Variants in ELP4 observed in about 807,000 individuals in gnomAD.
ELP4 encodes elongator complex protein 4.
ELP4 carries 51 observed loss-of-function variants against 48.9 expected under a neutral mutation model. The observed-to-expected ratio is 1.04, with a 90% CI of 0.83 to 1.32. The LOEUF (loss-of-function observed/expected upper bound fraction) is 1.32, where lower values mean the gene tolerates loss of function less well. Ranked by LOEUF, ELP4 falls within the 40% of genes most tolerant of loss-of-function variation. The pLI, the probability that ELP4 is intolerant of heterozygous loss-of-function variation, is 0.00. For synonymous variants in ELP4, 210 were observed against 189.2 expected (o/e 1.11, Z -0.90); for missense variants, 519 against 514.6 (o/e 1.01, Z -0.08).
At chr11:31,685,923 TC>T (rs1946150820) in intron 9 of ELP4, among the ~76,000 whole-genome samples, 1 of 132,106 alleles carries the variant, frequency 7.6e-6, no homozygotes, top group Admixed American at 8.0e-5. Flanking sequence ...AGACTGAGAC[TC>T]CATCTTAAAA....
intron 9 of ELP4, among the ~76,000 whole-genome samples, chr11:31,683,543 C>T (rs1469328595): frequency 6.6e-6 from 1 of 152,084 alleles, no homozygotes; most frequent in East Asian, 1.9e-4. Flanking sequence ...TGAAATTTTC[C>T]TTCATGAACA....
chr11:31,539,461 A>G (rs542372786), intron 2 of ELP4, among the ~76,000 whole-genome samples: 2 of 152,202 alleles, frequency 1.3e-5, no homozygotes, highest in African/African-American at 4.8e-5. Context: ...CTCAAAAAAA[A>G]AGTGCCTAGT....
At chr11:31,743,131 A>G (rs1176765412) in intron 9 of ELP4, among the ~76,000 whole-genome samples, 1 of 152,230 alleles carries the variant, frequency 6.6e-6, no homozygotes, top group African/African-American at 2.4e-5. Context: ...CTTTAAACCA[A>G]CAAAGACCAA....
At position 31,669,373 on chromosome 11, in the gene ELP4, G is replaced by A. The variant is rs574440997; in HGVS notation, c.1143+19152G>A. ...TGGGATTACAGGCATGAGCCACCGC[G>A]CCTGGCCCACGTCTTTTATAAATGC... On this transcript the variant is annotated intron_variant, in intron 9 of 9. Coordinates refer to ENST00000640961, the MANE Select transcript of ELP4 (RefSeq NM_019040.5). Among the ~76,000 whole-genome samples the A allele has an allele frequency of 7.2e-5, 11 of 152,156 alleles. 1 individual carries two copies. The South Asian group carries it at 1.7e-3, about 23-fold the overall frequency.
intron 2 of ELP4, among the ~76,000 whole-genome samples, 188 bp from the exon 3 acceptor site, chr11:31,539,474 T>C (rs1956558892): frequency 6.6e-6 from 1 of 152,174 alleles, no homozygotes; most frequent in African/African-American, 2.4e-5. Context: ...TGCCTAGTTC[T>C]CATTGACTCT....
intron 3 of ELP4, chr11:31,541,501 A>T (rs1443646113): frequency 6.6e-6 from 1 of 152,244 alleles, no homozygotes. Flanking sequence ...CAGGTTCTTC[A>T]TGACATATTC....
chr11:31,720,111 G>A (rs1301806186), intron 9 of ELP4, among the ~76,000 whole-genome samples: 4 of 151,762 alleles, frequency 2.6e-5, no homozygotes, highest in Non-Finnish European at 5.9e-5. Context: ...AAGCAGAAGG[G>A]AAGAGTTAGG....
At chr11:31,625,730 C>A (rs1018012907) in intron 5 of ELP4, among the ~76,000 whole-genome samples, 8 of 151,832 alleles carry the variant, frequency 5.3e-5, no homozygotes, top group South Asian at 2.1e-4. Flanking sequence ...TGAAAGCTTG[C>A]AGCTTTTACC....
At chr11:31,544,439 G>A (rs1592100381) in intron 3 of ELP4, among the ~76,000 whole-genome samples, 1 of 152,232 alleles carries the variant, frequency 6.6e-6, no homozygotes. Flanking sequence ...GCGGCAGTGA[G>A]GCTGGGGGAG....
chr11:31,755,746 A>G (rs1947820528), intron 9 of ELP4, among the ~76,000 whole-genome samples: 1 of 151,968 alleles, frequency 6.6e-6, no homozygotes, highest in South Asian at 2.1e-4. Flanking sequence ...AAAAAAAAAA[A>G]AAGAATATTA....
At position 31,789,534 on chromosome 11, in the gene ELP4, C is replaced by T. The variant is rs996629679; in HGVS notation, c.*6010C>T. ...AAGTATTCGATATATCTTGATAAAACTCTTAAATTCGTGGCAAAGCTTGTT... is the reference window on the plus strand; with the variant it reads ...AAGTATTCGATATATCTTGATAAAATTCTTAAATTCGTGGCAAAGCTTGTT... On this transcript the variant is annotated 3_prime_UTR_variant, in exon 10 of 10. Coordinates refer to ENST00000640961, the MANE Select transcript of ELP4 (RefSeq NM_019040.5). The T allele has an allele frequency of 5.0e-6, 3 of 597,494 alleles. No individual in the cohort carries two copies. Among genetic ancestry groups the T allele is most frequent in the East Asian group, 2.8e-5 (1 of 36,230 alleles). 37.0% of individuals were successfully genotyped at this position (597,494 alleles called of 1,614,324 possible). A position where few individuals can be genotyped will look rare whatever the true frequency, so the allele number is the denominator to read the frequency against.
chr11:31,570,793 T>C (rs1464916620), intron 3 of ELP4, among the ~76,000 whole-genome samples: 5 of 127,616 alleles, frequency 3.9e-5, no homozygotes, highest in Non-Finnish European at 8.4e-5. Context: ...GTAAACTCTT[T>C]TTTTTTTTTT....
intron 9 of ELP4, among the ~76,000 whole-genome samples, chr11:31,746,631 C>T (rs576685036): frequency 6.6e-5 from 10 of 152,070 alleles, no homozygotes; most frequent in South Asian, 4.2e-4. Context: ...GGCAAACTAT[C>T]GCAAGGACAA....
At chr11:31,773,046 T>C (rs1361981163) in intron 9 of ELP4, among the ~76,000 whole-genome samples, 1 of 152,236 alleles carries the variant, frequency 6.6e-6, no homozygotes, top group Non-Finnish European at 1.5e-5. Flanking sequence ...CTGGAGAGTA[T>C]GCCCTTTGGG....
chr11:31,635,791 A>T (rs1369894774), intron 7 of ELP4, among the ~76,000 whole-genome samples: 1 of 152,190 alleles, frequency 6.6e-6, no homozygotes, highest in East Asian at 1.9e-4. Context: ...TGAGGATTTG[A>T]ACAGAGATCA....
rs1946614139 is a variant in ELP4, at chr11:31,705,591, A to C, written c.1143+55370A>C. On this transcript the variant is annotated intron_variant, in intron 9 of 9. Coordinates refer to ENST00000640961, the MANE Select transcript of ELP4 (RefSeq NM_019040.5). ...ATTTTGACATGTTAATTATTCAAAA[A>C]ATATTGCAGATTAAAATTCCTCTGC... Among the ~76,000 whole-genome samples the C allele has an allele frequency of 6.6e-5, 10 of 152,352 alleles. No individual in the cohort carries two copies. In the South Asian group the frequency reaches 1.0e-3, roughly 16 times the overall value.
chr11:31,673,529 G>T (rs994051049), intron 9 of ELP4, among the ~76,000 whole-genome samples: 1 of 151,884 alleles, frequency 6.6e-6, no homozygotes, highest in South Asian at 2.1e-4. Flanking sequence ...GAGTCTCGCC[G>T]TGTTGCCCAC....
chr11:31,687,579 G>A (rs1053488377), intron 9 of ELP4: 1 of 152,154 alleles, frequency 6.6e-6, no homozygotes, highest in Non-Finnish European at 1.5e-5. Context: ...AGATCTAATG[G>A]CTTTTGCAAT....
At chr11:31,737,534 G>T (rs1188581105) in intron 9 of ELP4, among the ~76,000 whole-genome samples, 1 of 151,832 alleles carries the variant, frequency 6.6e-6, no homozygotes, top group Admixed American at 6.6e-5. Flanking sequence ...AATTAAGGTG[G>T]CCTACAGACT....
Sources: allele counts gnomAD v4.1 joint callset (sites outside exome capture counted in the v4.1 genomes callset), GRCh38; gene constraint gnomAD v4.1.1; transcripts MANE v1.5; gene names NCBI Gene and HGNC (gene_info 2026-07-23, HGNC 2026-07-21).